TXNDC11: variants seen among roughly 807,000 people sequenced by gnomAD.
The protein encoded by TXNDC11 is thioredoxin domain-containing protein 11.
Under a neutral mutation model 78.0 loss-of-function variants are expected in TXNDC11, and 68 were observed. The ratio of observed to expected loss-of-function variants is 0.87; its 90% CI spans 0.72 to 1.07. The LOEUF (loss-of-function observed/expected upper bound fraction) is 1.07, where lower values mean the gene tolerates loss of function less well. Ranked by LOEUF, TXNDC11 falls within the 50% of genes least tolerant of loss-of-function variation. TXNDC11 has a pLI of 0.00. For missense variants in TXNDC11, 1,389 were observed against 1,221.8 expected (o/e 1.14, Z -2.04); for synonymous variants, 571 against 495.2 (o/e 1.15, Z -2.03).
chr16:11,696,693 A>G lies in TXNDC11; in HGVS notation c.1107+1432T>C, dbSNP rs374059986. Among the ~76,000 whole-genome samples the G allele has an allele frequency of 1.0e-3, 157 of 152,308 alleles. No homozygotes were observed. The South Asian group carries it at 0.031, about 30-fold the overall frequency. ...CACAGAGACAATGGGAGCCCCAAAGAAAGGAGTCACAGGCAAAACCATGAT... is the reference window on the plus strand; with the variant it reads ...CACAGAGACAATGGGAGCCCCAAAGGAAGGAGTCACAGGCAAAACCATGAT... On this transcript the variant is annotated intron_variant, in intron 7 of 11. Coordinates refer to ENST00000283033, the MANE Select transcript of TXNDC11 (RefSeq NM_015914.7).
chr16:11,713,393 G>C (rs1039888438), intron 5 of TXNDC11, among the ~76,000 whole-genome samples: 2 of 152,108 alleles, frequency 1.3e-5, no homozygotes, highest in African/African-American at 4.8e-5. Flanking sequence ...TCAGTTTTAG[G>C]TGTGGGGACA....
At chr16:11,681,423 GCA>G (rs2050422173) in intron 11 of TXNDC11, among the ~76,000 whole-genome samples, 1 of 152,208 alleles carries the variant, frequency 6.6e-6, no homozygotes, top group African/African-American at 2.4e-5. Context: ...AGGTCTTGGT[GCA>G]CTCTCCATCA....
intron 3 of TXNDC11, among the ~76,000 whole-genome samples, chr16:11,732,800 A>G (rs919498411): frequency 3.3e-5 from 5 of 152,216 alleles, no homozygotes; most frequent in African/African-American, 7.2e-5. Flanking sequence ...GTGACAGAGA[A>G]CCCACAAATC....
chr16:11,722,996 C>A (rs9924522), intron 4 of TXNDC11, among the ~76,000 whole-genome samples: 71,283 of 151,560 alleles, frequency 0.47, 16,997 homozygotes, highest in Middle Eastern at 0.56. Flanking sequence ...GTAGCTCACA[C>A]TTGTAATCGC....
chr16:11,682,385 G>T (rs1407976523), intron 11 of TXNDC11, among the ~76,000 whole-genome samples: 1 of 152,218 alleles, frequency 6.6e-6, no homozygotes, highest in Non-Finnish European at 1.5e-5. Flanking sequence ...AAACGACAAG[G>T]GTAAGGGCCT....
chr16:11,724,581 T>C (rs1444341841), intron 4 of TXNDC11, among the ~76,000 whole-genome samples: 1 of 152,110 alleles, frequency 6.6e-6, no homozygotes, highest in Admixed American at 6.5e-5. Context: ...CTGGGCAACA[T>C]GGCAAGACCT....
intron 5 of TXNDC11, among the ~76,000 whole-genome samples, chr16:11,720,515 A>G (rs141641911): frequency 0.01 from 1,528 of 148,960 alleles, 30 homozygotes; most frequent in African/African-American, 0.035. Context: ...TCCCGGGTTC[A>G]ATCGATTCTC....
chr16:11,741,671 C>T (rs1388309003), intron 1 of TXNDC11, among the ~76,000 whole-genome samples: 1 of 152,200 alleles, frequency 6.6e-6, no homozygotes, highest in Non-Finnish European at 1.5e-5. Context: ...TGTTCACTGT[C>T]CCATCCACTC....
intron 5 of TXNDC11, among the ~76,000 whole-genome samples, chr16:11,702,087 T>C (rs2051045193): frequency 7.4e-6 from 1 of 135,784 alleles, no homozygotes; most frequent in Non-Finnish European, 1.6e-5. Context: ...TGTATGTATG[T>C]ATGTGTATAT....
rs541189059 is a variant in TXNDC11, at chr16:11,720,309, G to A, written c.793+1268C>T. ...TTTATACCTATAAAAATACTTCTCAGAAGAAATGTATTGCTAAATTACAAC... is the reference window on the plus strand; with the variant it reads ...TTTATACCTATAAAAATACTTCTCAAAAGAAATGTATTGCTAAATTACAAC... On this transcript the variant is annotated intron_variant, in intron 5 of 11. Transcript: ENST00000283033. Among the ~76,000 whole-genome samples, 23 of 151,980 alleles carry A rather than the reference G, an allele frequency of 1.5e-4. 1 individual carries two copies. Among genetic ancestry groups the A allele is most frequent in the South Asian group, 1.0e-3 (5 of 4,816 alleles).
intron 1 of TXNDC11, among the ~76,000 whole-genome samples, chr16:11,741,123 G>C (rs767566021): frequency 2.0e-5 from 3 of 152,140 alleles, no homozygotes; most frequent in Non-Finnish European, 1.5e-5. Context: ...CCTGCTGACA[G>C]TACCTGGCCT....
intron 4 of TXNDC11, among the ~76,000 whole-genome samples, chr16:11,723,085 T>C (rs1357945775): frequency 6.6e-6 from 1 of 151,820 alleles, no homozygotes; most frequent in Non-Finnish European, 1.5e-5. Context: ...GGTAAAACTC[T>C]GTCTCTATTA....
chr16:11,710,905 A>G (rs1295889585), intron 5 of TXNDC11, among the ~76,000 whole-genome samples: 1 of 152,180 alleles, frequency 6.6e-6, no homozygotes, highest in Non-Finnish European at 1.5e-5. Flanking sequence ...ATACCACTAA[A>G]GCCCAGGGAA....
intron 5 of TXNDC11, among the ~76,000 whole-genome samples, chr16:11,712,957 C>G (rs963748334): frequency 6.6e-6 from 1 of 150,744 alleles, no homozygotes; most frequent in Non-Finnish European, 1.5e-5. Flanking sequence ...CACACACACA[C>G]AGAAATCAGT....
At chr16:11,699,970 G>A (rs1315694020) in intron 6 of TXNDC11, among the ~76,000 whole-genome samples, 10 of 152,204 alleles carry the variant, frequency 6.6e-5, no homozygotes, top group Non-Finnish European at 8.8e-5. Flanking sequence ...GAAAACTGAC[G>A]CTCTCTGGGA....
chr16:11,703,541 C>G lies in TXNDC11; in HGVS notation c.794-2977G>C, dbSNP rs957633178. 28 of 536,226 alleles carry G rather than the reference C, an allele frequency of 5.2e-5. No individual in the cohort carries two copies. The African/African-American group carries it at 5.6e-4, about 11-fold the overall frequency. 33.2% of individuals were successfully genotyped at this position (536,226 alleles called of 1,614,324 possible). A position where few individuals can be genotyped will look rare whatever the true frequency, so the allele number is the denominator to read the frequency against. On this transcript the variant is annotated intron_variant, in intron 5 of 11. Coordinates refer to ENST00000283033, the MANE Select transcript of TXNDC11 (RefSeq NM_015914.7). ...ACACACACACACACACACACACACA[C>G]ACAGAGGGAGAGAGAGGGGATGGAT...
intron 5 of TXNDC11, among the ~76,000 whole-genome samples, chr16:11,704,132 T>TA (rs1234225514): frequency 2.0e-5 from 3 of 152,074 alleles, no homozygotes; most frequent in Non-Finnish European, 4.4e-5. Context: ...CATAAAAGGA[T>TA]GGGGGTTTGT....
chr16:11,733,416 ACT>A (rs1400329129), intron 3 of TXNDC11, among the ~76,000 whole-genome samples: 1 of 151,752 alleles, frequency 6.6e-6, no homozygotes, highest in Non-Finnish European at 1.5e-5. Context: ...AGTCCCAACT[ACT>A]TGGGAGGCTG....
At chr16:11,733,162 C>A (rs2052104552) in intron 3 of TXNDC11, among the ~76,000 whole-genome samples, 1 of 152,110 alleles carries the variant, frequency 6.6e-6, no homozygotes, top group South Asian at 2.1e-4. Flanking sequence ...GAGGCTGAGG[C>A]AGGAGAACGG....
Sources: allele counts gnomAD v4.1 joint callset (sites outside exome capture counted in the v4.1 genomes callset), GRCh38; gene constraint gnomAD v4.1.1; transcripts MANE v1.5; gene names NCBI Gene and HGNC (gene_info 2026-07-23, HGNC 2026-07-21).